Variants in RBFOX1 observed in about 807,000 individuals in gnomAD.
RBFOX1 encodes the protein RNA binding fox-1 homolog 1, also known as RNA binding protein fox-1 homolog 1.
A neutral mutation model predicts 57.7 loss-of-function variants in RBFOX1; 8 were observed. The ratio of observed to expected loss-of-function variants is 0.14; its 90% CI spans 0.08 to 0.25. The LOEUF is 0.25. RBFOX1 is among the 10% of genes least tolerant of loss of function. The pLI, the probability that RBFOX1 is intolerant of heterozygous loss-of-function variation, is 1.00. For synonymous variants in RBFOX1, 326 were observed against 222.4 expected (o/e 1.47, Z -4.15); for missense variants, 611 against 548.5 (o/e 1.11, Z -1.14).
chr16:6,240,784 A>T (rs2097536038), intron 1 of RBFOX1, among the ~76,000 whole-genome samples: 1 of 151,988 alleles, frequency 6.6e-6, no homozygotes, highest in African/African-American at 2.4e-5. Context: ...TTTCTATTCC[A>T]TTTGGTCAGT....
At chr16:6,673,844 G>A (rs910719486) in intron 3 of RBFOX1, among the ~76,000 whole-genome samples, 11 of 152,186 alleles carry the variant, frequency 7.2e-5, no homozygotes, top group African/African-American at 2.7e-4. Context: ...CAGTGCTAGA[G>A]AGAAAAGTAG....
intron 3 of RBFOX1, among the ~76,000 whole-genome samples, chr16:5,794,865 A>G (rs1019796366): frequency 6.6e-6 from 1 of 152,296 alleles, no homozygotes; most frequent in Admixed American, 6.5e-5. Context: ...CAATCCTACT[A>G]TGGCGACATT....
chr16:6,618,219 T>C (rs558937908), intron 2 of RBFOX1, among the ~76,000 whole-genome samples: 21 of 152,324 alleles, frequency 1.4e-4, no homozygotes, highest in African/African-American at 5.1e-4. Context: ...GGTCTACCCA[T>C]CACTGATACT....
intron 1 of RBFOX1, among the ~76,000 whole-genome samples, chr16:6,235,735 C>G (rs1352258580): frequency 6.6e-6 from 1 of 152,010 alleles, no homozygotes; most frequent in African/African-American, 2.4e-5. Context: ...GAGACTATTA[C>G]TCTAAGTGAA....
chr16:5,665,133 G>GGGT (rs1555497013), intron 3 of RBFOX1, among the ~76,000 whole-genome samples: 2 of 141,032 alleles, frequency 1.4e-5, no homozygotes, highest in South Asian at 2.5e-4. Context: ...TTTTTACATG[G>GGGT]GGGGGGGCGG....
downstream of RBFOX1, among the ~76,000 whole-genome samples, chr16:5,602,972 G>C (rs1007292476): frequency 6.6e-6 from 1 of 152,122 alleles, no homozygotes; most frequent in Non-Finnish European, 1.5e-5. Context: ...TCCTCTAGAG[G>C]AGTGAAAATG....
intron 3 of RBFOX1, among the ~76,000 whole-genome samples, chr16:6,834,601 G>A (rs1020422426): frequency 1.3e-5 from 2 of 152,120 alleles, no homozygotes; most frequent in African/African-American, 4.8e-5. Flanking sequence ...AAACTTGAAG[G>A]TGTTTGTTTG....
intron 3 of RBFOX1, among the ~76,000 whole-genome samples, chr16:6,766,049 G>T (rs1335734488): frequency 6.6e-6 from 1 of 151,836 alleles, no homozygotes; most frequent in African/African-American, 2.4e-5. Flanking sequence ...CGGGTGGCAG[G>T]TGCACTAAAA....
At chr16:6,543,992 G>A (rs143357037) in intron 2 of RBFOX1, among the ~76,000 whole-genome samples, 253 of 152,308 alleles carry the variant, frequency 1.7e-3, no homozygotes, top group Middle Eastern at 6.8e-3. Flanking sequence ...ATGTTGAAAA[G>A]CACCTTGTCT....
intron 9 of RBFOX1, among the ~76,000 whole-genome samples, chr16:7,600,122 A>G (rs1051238107): frequency 6.6e-6 from 1 of 152,134 alleles, no homozygotes; most frequent in Non-Finnish European, 1.5e-5. Flanking sequence ...CCCATGTCCC[A>G]TTCCAGGTAG....
intron 1 of RBFOX1, among the ~76,000 whole-genome samples, chr16:6,078,095 C>G (rs1032337705): frequency 3.9e-5 from 6 of 152,166 alleles, no homozygotes; most frequent in Admixed American, 2.0e-4. Context: ...CTTTAGATTT[C>G]TCATCTTTCC....
At chr16:6,947,168 G>T (rs1042097241) in intron 3 of RBFOX1, among the ~76,000 whole-genome samples, 12 of 152,118 alleles carry the variant, frequency 7.9e-5, no homozygotes, top group African/African-American at 2.9e-4. Flanking sequence ...ATAAATCACT[G>T]GCTGTGATTT....
intron 2 of RBFOX1, among the ~76,000 whole-genome samples, chr16:6,628,795 TTAG>T (rs2098343730): frequency 6.6e-6 from 1 of 152,176 alleles, no homozygotes; most frequent in African/African-American, 2.4e-5. Flanking sequence ...CTTCCAAAGT[TTAG>T]GTATGATCTG....
chr16:6,494,426 A>C (rs1037518632), intron 2 of RBFOX1, among the ~76,000 whole-genome samples: 5 of 152,140 alleles, frequency 3.3e-5, no homozygotes, highest in Admixed American at 6.5e-5. Context: ...TCCATTTGTA[A>C]AACTTTGTTA....
chr16:6,597,269 A>G (rs2097785609), intron 2 of RBFOX1, among the ~76,000 whole-genome samples: 1 of 152,138 alleles, frequency 6.6e-6, no homozygotes, highest in Non-Finnish European at 1.5e-5. Flanking sequence ...TTTGTTTTGC[A>G]GTAATGTGTG....
intron 4 of RBFOX1, among the ~76,000 whole-genome samples, chr16:5,928,697 C>CAGT (rs2058985915): frequency 6.9e-6 from 1 of 144,736 alleles, no homozygotes; most frequent in Middle Eastern, 3.5e-3. Context: ...TGCTTCTGCC[C>CAGT]AATAAAAAAA....
At chr16:5,591,542 C>T (rs927328889) in intron 2 of RBFOX1, among the ~76,000 whole-genome samples, 5 of 152,116 alleles carry the variant, frequency 3.3e-5, no homozygotes, top group Admixed American at 1.3e-4. Flanking sequence ...TGAGTCACTG[C>T]GCCTGGTCCA....
At chr16:7,388,976 C>G (rs181015208) in intron 4 of RBFOX1, among the ~76,000 whole-genome samples, 2 of 150,370 alleles carry the variant, frequency 1.3e-5, no homozygotes, top group Non-Finnish European at 1.5e-5. Flanking sequence ...GTGCCTAATA[C>G]AGAGTAAGTG....
chr16:5,755,752 C>T (rs1173892989), intron 3 of RBFOX1, among the ~76,000 whole-genome samples: 1 of 152,072 alleles, frequency 6.6e-6, no homozygotes. Flanking sequence ...GCATGCATCT[C>T]CATGCGCAGC....
Sources: allele counts gnomAD v4.1 joint callset (sites outside exome capture counted in the v4.1 genomes callset), GRCh38; gene constraint gnomAD v4.1.1; transcripts MANE v1.5; gene names NCBI Gene and HGNC (gene_info 2026-07-23, HGNC 2026-07-21).